Variants in SGCD observed in about 807,000 individuals in gnomAD.
The protein encoded by SGCD is sarcoglycan delta.
In SGCD, 18 loss-of-function variants were observed where a neutral mutation model predicts 36.6. The ratio of observed to expected loss-of-function variants is 0.49; its 90% confidence interval spans 0.34 to 0.73. SGCD has a LOEUF of 0.73. Among genes scored for constraint, SGCD ranks in the 30% least tolerant of loss-of-function variants. SGCD has a pLI of 0.01. For synonymous variants in SGCD, 133 were observed against 130.6 expected, an observed-to-expected ratio of 1.02 and a Z score of -0.12; for missense variants, 387 against 346.7, an observed-to-expected ratio of 1.12 and a Z score of -0.92.
At chr5:156,624,167 C>A (rs1762357059) in intron 6 of SGCD, among the ~76,000 whole-genome samples, 1 of 152,174 alleles carries the variant, frequency 6.6e-6, no homozygotes, top group African/African-American at 2.4e-5. Context: ...GAGGCCTCCA[C>A]TGAGAAGTGG....
the SGCD span, among the ~76,000 whole-genome samples, chr5:155,740,898 C>T: frequency 6.6e-6 from 1 of 152,114 alleles, no homozygotes; most frequent in Non-Finnish European, 1.5e-5. Context: ...TATTCTGAGC[C>T]AAATGTGAGG....
chr5:156,463,586 A>C (rs888736256), intron 3 of SGCD, among the ~76,000 whole-genome samples: 1 of 152,168 alleles, frequency 6.6e-6, no homozygotes, highest in Non-Finnish European at 1.5e-5. Context: ...AAAGGAACAG[A>C]AAGGGAGAAC....
At chr5:156,637,302 T>A (rs1388593888) in intron 6 of SGCD, among the ~76,000 whole-genome samples, 1 of 152,142 alleles carries the variant, frequency 6.6e-6, no homozygotes, top group African/African-American at 2.4e-5. Context: ...CTTTCCTTTA[T>A]AAATTACCCG....
At chr5:156,203,221 G>A (rs1434563320) in intron 3 of SGCD, among the ~76,000 whole-genome samples, 16 of 151,986 alleles carry the variant, frequency 1.1e-4, no homozygotes, top group Non-Finnish European at 2.9e-5. Context: ...GTTCAATTAT[G>A]TTATATCTGT....
chr5:156,353,196 T>C (rs951399952), intron 3 of SGCD, among the ~76,000 whole-genome samples: 5 of 152,090 alleles, frequency 3.3e-5, no homozygotes, highest in Admixed American at 2.0e-4. Context: ...ACATATAAAG[T>C]ACATGGCAGA....
chr5:156,035,927 T>G (rs1229395690), intron 1 of SGCD, among the ~76,000 whole-genome samples: 1 of 152,170 alleles, frequency 6.6e-6, no homozygotes, highest in Admixed American at 6.5e-5. Flanking sequence ...CTGTTATAAC[T>G]CTAAGAAATA....
intron 3 of SGCD, among the ~76,000 whole-genome samples, chr5:156,243,175 C>T (rs1180659813): frequency 6.6e-6 from 1 of 152,110 alleles, no homozygotes; most frequent in Admixed American, 6.6e-5. Flanking sequence ...GGAGTTGGGG[C>T]CCAAGAAGGC....
chr5:156,523,482 T>C (rs1045950161), intron 4 of SGCD, among the ~76,000 whole-genome samples: 1 of 152,190 alleles, frequency 6.6e-6, no homozygotes, highest in African/African-American at 2.4e-5. Flanking sequence ...GAAATGATTT[T>C]AGTGACCTGC....
chr5:156,273,801 A>G (rs983845050), intron 3 of SGCD, among the ~76,000 whole-genome samples: 3 of 152,130 alleles, frequency 2.0e-5, no homozygotes, highest in African/African-American at 4.8e-5. Context: ...AACGATGAAC[A>G]CTTTTTAAAA....
At chr5:156,666,920 C>T (rs1209276795) in intron 7 of SGCD, among the ~76,000 whole-genome samples, 1 of 152,100 alleles carries the variant, frequency 6.6e-6, no homozygotes, top group Non-Finnish European at 1.5e-5. Flanking sequence ...GCACCCCAGC[C>T]TGGGTGACAG....
At position 156,538,004 on chromosome 5, in the gene SGCD, C is replaced by T. The variant is rs141802692; in HGVS notation, c.294+29302C>T. Among the ~76,000 whole-genome samples the T allele has an allele frequency of 4.2e-3, 634 of 151,982 alleles. 1 individual carries two copies. The highest frequency in any genetic ancestry group is 0.015 in the African/African-American group (610 of 41,458). Reference sequence around the variant, plus strand: ...CCTTGCAGCCAGATTTCTATGGGCCCGTTCTGGTGGTTCGGGTAGAGCTTT... The same window carrying T: ...CCTTGCAGCCAGATTTCTATGGGCCTGTTCTGGTGGTTCGGGTAGAGCTTT... On this transcript the variant is annotated intron_variant, in intron 4 of 8. Coordinates refer to ENST00000337851, the MANE Select transcript of SGCD (RefSeq NM_000337.6).
intron 3 of SGCD, among the ~76,000 whole-genome samples, chr5:156,422,115 C>T (rs1773336930): frequency 6.6e-6 from 1 of 152,004 alleles, no homozygotes; most frequent in African/African-American, 2.4e-5. Context: ...ATCATTGGGC[C>T]TCTTTTTCCC....
intron 4 of SGCD, among the ~76,000 whole-genome samples, chr5:156,585,899 T>C (rs534553309): frequency 1.3e-5 from 2 of 152,292 alleles, no homozygotes; most frequent in African/African-American, 4.8e-5. Flanking sequence ...GTTTTATATG[T>C]ACCATAAAAC....
intron 5 of SGCD, among the ~76,000 whole-genome samples, chr5:156,590,173 G>A (rs1210392082): frequency 6.6e-6 from 1 of 152,156 alleles, no homozygotes; most frequent in Non-Finnish European, 1.5e-5. Flanking sequence ...TGAGAAGCCA[G>A]TTACCCAAAT....
At chr5:156,647,408 C>A in intron 6 of SGCD, 56 bp from the exon 7 acceptor site, 1 of 1,195,174 alleles carries the variant, frequency 8.4e-7, no homozygotes, top group South Asian at 1.3e-5. Context: ...GCTGATTGTG[C>A]CTACAGGTGA....
the SGCD span, among the ~76,000 whole-genome samples, chr5:155,741,718 A>G: frequency 6.8e-6 from 1 of 146,696 alleles, no homozygotes; most frequent in Admixed American, 6.9e-5. Flanking sequence ...TTAGGGACTA[A>G]GTCTTGCTCT....
chr5:156,239,035 C>T (rs1259789004), intron 3 of SGCD, among the ~76,000 whole-genome samples: 2 of 151,952 alleles, frequency 1.3e-5, no homozygotes, highest in East Asian at 3.9e-4. Context: ...CTTTGGGGGC[C>T]TCATTCATTT....
chr5:156,256,911 G>A (rs1471098139), intron 3 of SGCD, among the ~76,000 whole-genome samples: 1 of 152,108 alleles, frequency 6.6e-6, no homozygotes, highest in Non-Finnish European at 1.5e-5. Flanking sequence ...GAGCGTGGTG[G>A]CTCACACCTA....
intron 3 of SGCD, among the ~76,000 whole-genome samples, chr5:156,304,605 G>A (rs1334125843): frequency 6.6e-6 from 1 of 152,154 alleles, no homozygotes; most frequent in African/African-American, 2.4e-5. Flanking sequence ...CTAAATTGAT[G>A]CCAGTAGAGT....
Sources: allele counts gnomAD v4.1 joint callset (sites outside exome capture counted in the v4.1 genomes callset), GRCh38; gene constraint gnomAD v4.1.1; transcripts MANE v1.5; gene names NCBI Gene and HGNC (gene_info 2026-07-23, HGNC 2026-07-21).